The following UNC5B variants were observed in gnomAD, a reference collection of about 807,000 sequenced individuals.
UNC5B encodes the protein netrin receptor UNC5B.
A neutral mutation model predicts 103.7 loss-of-function variants in UNC5B; 56 were observed. The ratio of observed to expected loss-of-function variants is 0.54; its 90% CI spans 0.44 to 0.67. The LOEUF (loss-of-function observed/expected upper bound fraction) is 0.67. UNC5B is among the 30% of genes least tolerant of loss of function. The pLI, the probability that UNC5B is intolerant of heterozygous loss-of-function variation, is 0.00. For missense variants in UNC5B, 1,194 were observed against 1,284.5 expected (o/e 0.93, Z 1.08); for synonymous variants, 577 against 542.0 (o/e 1.06, Z -0.90).
intron 1 of UNC5B, among the ~76,000 whole-genome samples, chr10:71,255,324 T>A (rs1844265983): frequency 6.6e-6 from 1 of 152,206 alleles, no homozygotes; most frequent in Non-Finnish European, 1.5e-5. Context: ...TCATACACGC[T>A]GCTAGATTGC....
At chr10:71,244,291 C>T (rs1843972452) in intron 1 of UNC5B, among the ~76,000 whole-genome samples, 1 of 152,240 alleles carries the variant, frequency 6.6e-6, no homozygotes, top group Non-Finnish European at 1.5e-5. Flanking sequence ...CAGCCTGGGC[C>T]AATGCCTGCT....
At position 71,232,932 on chromosome 10, in the gene UNC5B, C is replaced by A. The variant is rs570626445; in HGVS notation, c.79+19868C>A. Among the ~76,000 whole-genome samples the A allele has an allele frequency of 1.6e-3, 245 of 152,328 alleles. 5 individuals carry two copies. The highest frequency in any genetic ancestry group is 2.1e-4 in the Non-Finnish European group (14 of 68,030). On this transcript the variant is annotated intron_variant, in intron 1 of 16. Coordinates refer to ENST00000335350, the MANE Select transcript of UNC5B (RefSeq NM_170744.5). ...TCGTGGAGAGGAAGAAACCAAAGCT[C>A]AGGGAGCTTGAGTGCCTTGTACACA...
Position 71,221,989 on chromosome 10 carries a change from G to GTCATCA in UNC5B, c.79+8951_79+8956dup, listed in dbSNP as rs149864220. 1.3e-3 allele frequency among the ~76,000 whole-genome samples: 191 copies of GTCATCA among 151,494 alleles called. No individual in the cohort carries two copies. The Middle Eastern group carries it at 0.017, about 13-fold the overall frequency. On this transcript the variant is annotated intron_variant, in intron 1 of 16. Coordinates refer to ENST00000335350, the MANE Select transcript of UNC5B (RefSeq NM_170744.5). The stretch of plus-strand genomic sequence containing the variant: ...GAAGTGCTCAGTGACATTCACTACT[G>GTCATCA]TCATCATCATCATCATCATCATCAT...
At chr10:71,266,944 GGTGTCCACACT>G (rs1844537199) in intron 1 of UNC5B, among the ~76,000 whole-genome samples, 2 of 152,118 alleles carry the variant, frequency 1.3e-5, no homozygotes, top group East Asian at 3.9e-4. Flanking sequence ...CTTTGTCCAG[GGTGTCCACACT>G]GTATACACCA....
chr10:71,248,781 A>G (rs970847677), intron 1 of UNC5B, among the ~76,000 whole-genome samples: 2 of 152,038 alleles, frequency 1.3e-5, no homozygotes, highest in African/African-American at 4.8e-5. Context: ...CTCATAGAGA[A>G]CATTGACATG....
intron 4 of UNC5B, 90 bp from the exon 5 acceptor site, chr10:71,286,599 A>G (rs1321923216): frequency 6.6e-6 from 10 of 1,507,854 alleles, no homozygotes; most frequent in Non-Finnish European, 9.1e-6. Flanking sequence ...TGCCACGACT[A>G]TGGCGTGGAC....
chr10:71,295,921 C>T lies in UNC5B; in HGVS notation c.2286C>T (p.Pro762=), dbSNP rs1845399704. Residue 762 remains proline, a synonymous_variant, in exon 14 of 17, where the codon CCC becomes CCT. Transcript: ENST00000335350. Reference sequence around the variant, plus strand: ...TGCGCCTCTCCCTCCATGACCTCCCCCATGCCCATTGGAGGAGCAAGCTGC... The same window carrying T: ...TGCGCCTCTCCCTCCATGACCTCCCTCATGCCCATTGGAGGAGCAAGCTGC... ...HNLRLSLHDL[P]HAHWRSKLLA... The T allele has an allele frequency of 6.2e-7, 1 of 1,613,296 alleles. No homozygotes were observed. The highest frequency in any genetic ancestry group is 8.5e-7 in the Non-Finnish European group (1 of 1,180,026).
At chr10:71,292,255 C>T (rs1845284414) in intron 10 of UNC5B, among the ~76,000 whole-genome samples, 2 of 152,164 alleles carry the variant, frequency 1.3e-5, no homozygotes, top group African/African-American at 4.8e-5. Context: ...ATAGCAATGT[C>T]AGAGACCCCT....
chr10:71,283,013 G>C (rs1340007507), intron 2 of UNC5B, among the ~76,000 whole-genome samples: 1 of 152,162 alleles, frequency 6.6e-6, no homozygotes, highest in African/African-American at 2.4e-5. Flanking sequence ...CCAGCTACTC[G>C]GGAGGCTGAA....
At chr10:71,224,994 C>T (rs1017376105) in intron 1 of UNC5B, among the ~76,000 whole-genome samples, 15 of 152,304 alleles carry the variant, frequency 9.8e-5, no homozygotes, top group African/African-American at 3.1e-4. Flanking sequence ...ACTTGGTAAT[C>T]GTCTGAGGGT....
At chr10:71,216,954 AG>A (rs1308736312) in intron 1 of UNC5B, among the ~76,000 whole-genome samples, 1 of 152,192 alleles carries the variant, frequency 6.6e-6, no homozygotes, top group Non-Finnish European at 1.5e-5. Context: ...TTGGGTGGAA[AG>A]GAGACAGTTT....
At chr10:71,285,559 G>A (rs1189837774) in intron 4 of UNC5B, 130 bp downstream of exon 4, 5 of 808,478 alleles carry the variant, frequency 6.2e-6, no homozygotes, top group Admixed American at 2.9e-5. Context: ...AGATGAGATC[G>A]AGGCTTAGCA....
chr10:71,236,304 T>C (rs1843773129), intron 1 of UNC5B, among the ~76,000 whole-genome samples: 1 of 152,172 alleles, frequency 6.6e-6, no homozygotes, highest in African/African-American at 2.4e-5. Flanking sequence ...TTGTGTAGCC[T>C]TAGAGAAAGA....
At chr10:71,227,984 A>C (rs2132246537) in intron 1 of UNC5B, among the ~76,000 whole-genome samples, 1 of 152,294 alleles carries the variant, frequency 6.6e-6, no homozygotes, top group East Asian at 1.9e-4. Context: ...CTGTAATTAA[A>C]ACAGTGTGCT....
At chr10:71,214,248 C>T (rs1025383123) in intron 1 of UNC5B, among the ~76,000 whole-genome samples, 10 of 152,148 alleles carry the variant, frequency 6.6e-5, no homozygotes, top group African/African-American at 2.4e-4. Flanking sequence ...AGTTGACATC[C>T]GCCCTTCCCC....
chr10:71,242,291 G>A (rs1407673196), intron 1 of UNC5B, among the ~76,000 whole-genome samples: 1 of 152,218 alleles, frequency 6.6e-6, no homozygotes, highest in Non-Finnish European at 1.5e-5. Flanking sequence ...TAGGGATGAG[G>A]AAGCTGAGGC....
intron 1 of UNC5B, among the ~76,000 whole-genome samples, chr10:71,228,381 C>T (rs1174734180): frequency 6.1e-5 from 9 of 147,542 alleles, no homozygotes; most frequent in South Asian, 2.1e-4. Context: ...TTTAAATTTT[C>T]GACAAAAAAA....
intron 1 of UNC5B, among the ~76,000 whole-genome samples, chr10:71,261,831 A>G (rs1844421685): frequency 6.6e-6 from 1 of 152,190 alleles, no homozygotes; most frequent in African/African-American, 2.4e-5. Flanking sequence ...ACCTGTCCAC[A>G]GGGTTGCTGT....
intron 1 of UNC5B, among the ~76,000 whole-genome samples, chr10:71,242,135 G>A (rs528234241): frequency 6.6e-6 from 1 of 152,294 alleles, no homozygotes; most frequent in East Asian, 1.9e-4. Context: ...ACATGGGGGG[G>A]CGTGGCATTC....
Sources: allele counts gnomAD v4.1 joint callset (sites outside exome capture counted in the v4.1 genomes callset), GRCh38; gene constraint gnomAD v4.1.1; transcripts MANE v1.5; gene names NCBI Gene and HGNC (gene_info 2026-07-23, HGNC 2026-07-21).